TASP1: variants seen among roughly 807,000 people sequenced by gnomAD.
TASP1 encodes taspase 1.
Under a neutral mutation model 56.6 loss-of-function variants are expected in TASP1, and 16 were observed. That is an observed-to-expected ratio of 0.28 (90% CI 0.19 to 0.43). TASP1 has a LOEUF of 0.43. Ranked by LOEUF, TASP1 falls within the 20% of genes least tolerant of loss-of-function variation. The pLI, the probability that TASP1 is intolerant of heterozygous loss-of-function variation, is 1.00. For missense variants in TASP1, 393 were observed against 511.6 expected (o/e 0.77, Z 2.24); for synonymous variants, 179 against 184.2 (o/e 0.97, Z 0.23).
the TASP1 span, among the ~76,000 whole-genome samples, chr20:13,118,448 G>GAAAAAAAAAA: frequency 2.2e-4 from 24 of 108,718 alleles, 1 homozygote; most frequent in Non-Finnish European, 2.6e-4. Context: ...AGAGGTTTGT[G>GAAAAAAAAAA]GAAAAAAAAA....
At chr20:13,444,217 AC>A (rs2043318759) in intron 11 of TASP1, among the ~76,000 whole-genome samples, 1 of 152,260 alleles carries the variant, frequency 6.6e-6, no homozygotes, top group East Asian at 1.9e-4. Flanking sequence ...CTTTTGCAAA[AC>A]CGGACACACA....
At chr20:13,338,632 A>C in the TASP1 span, among the ~76,000 whole-genome samples, 3 of 152,206 alleles carry the variant, frequency 2.0e-5, no homozygotes, top group Non-Finnish European at 4.4e-5. Context: ...TTCTTTCAGT[A>C]GGGTTTCATG....
chr20:13,266,443 C>T, the TASP1 span, among the ~76,000 whole-genome samples: 1 of 152,238 alleles, frequency 6.6e-6, no homozygotes, highest in Middle Eastern at 3.4e-3. Context: ...AGCTGCATTT[C>T]TTCTGTTTTC....
the TASP1 span, among the ~76,000 whole-genome samples, chr20:13,364,813 A>T: frequency 6.6e-6 from 1 of 152,224 alleles, no homozygotes; most frequent in African/African-American, 2.4e-5. Context: ...TTTCTAAGTA[A>T]GTGTATTCCT....
At chr20:13,253,172 G>A in the TASP1 span, among the ~76,000 whole-genome samples, 1 of 152,184 alleles carries the variant, frequency 6.6e-6, no homozygotes, top group Admixed American at 6.5e-5. Flanking sequence ...AAGCAGGAAG[G>A]AACCAAGTCT....
rs113103844 is a variant in TASP1 at position 13,534,408 on chromosome 20, G to C, written c.676-267C>G. Among the ~76,000 whole-genome samples, 52 of 151,162 alleles carry C rather than the reference G, an allele frequency of 3.4e-4. 2 individuals are homozygous for C. The highest frequency in any genetic ancestry group is 1.2e-3 in the African/African-American group (51 of 41,236). ...ATAAGGCTATAGTGTCTTTTTAATG[G>C]AGGAAATGTCACAATTTAATATAAA... is the stretch of plus-strand genomic sequence containing the variant. On this transcript the variant is annotated intron_variant, in intron 8 of 13. Coordinates refer to ENST00000337743, the MANE Select transcript of TASP1 (RefSeq NM_017714.3).
Position 13,630,281 on chromosome 20 carries a change from G to T in TASP1, c.-74-129C>A. 5 of 496,520 alleles carry T rather than the reference G, an allele frequency of 1.0e-5. No individual in the cohort carries two copies. The South Asian group carries it at 1.2e-4, about 12-fold the overall frequency. The allele number at this position is 496,520 out of a possible 1,614,324, so 30.8% of individuals were successfully genotyped here. A position where few individuals can be genotyped will look rare whatever the true frequency, so the allele number is the denominator to read the frequency against. ...TTATTTAATTGAGCAATACAAAAAA[G>T]GTATCAAAGCTATTTATTAAAATTA... On this transcript the variant is annotated intron_variant, in intron 1 of 13. Coordinates refer to ENST00000337743, the MANE Select transcript of TASP1 (RefSeq NM_017714.3).
At chr20:13,583,362 T>C (rs1229320579) in intron 5 of TASP1, among the ~76,000 whole-genome samples, 3 of 152,224 alleles carry the variant, frequency 2.0e-5, no homozygotes, top group African/African-American at 7.2e-5. Context: ...ATACAGTGAA[T>C]GATAGCCACA....
chr20:13,123,795 C>T, the TASP1 span, among the ~76,000 whole-genome samples: 132 of 152,314 alleles, frequency 8.7e-4, no homozygotes, highest in Non-Finnish European at 1.7e-3. Context: ...ACCCTTGAAA[C>T]ACCTTGTTCC....
the TASP1 span, chr20:13,110,208 G>C: frequency 1.2e-6 from 2 of 1,613,438 alleles, no homozygotes; most frequent in African/African-American, 1.3e-5. Context: ...CTGGTGGAGG[G>C]TGTCTACAGG....
chr20:13,186,308 A>G, the TASP1 span, among the ~76,000 whole-genome samples: 2 of 152,240 alleles, frequency 1.3e-5, no homozygotes, highest in East Asian at 1.9e-4. Flanking sequence ...TCCCGGGGGG[A>G]AAAATGTTGC....
chr20:13,519,968 T>C lies in TASP1; in HGVS notation c.874+8465A>G, dbSNP rs908866619. ...TGTGCAAAAATCACAAGCATTCTTATACACCAATAACAGACAAACAGAGAG... is the reference window on the plus strand; with the variant it reads ...TGTGCAAAAATCACAAGCATTCTTACACACCAATAACAGACAAACAGAGAG... On this transcript the variant is annotated intron_variant, in intron 10 of 13. Coordinates refer to ENST00000337743, the MANE Select transcript of TASP1 (RefSeq NM_017714.3). Among the ~76,000 whole-genome samples, 75 of 152,272 alleles carry C rather than the reference T, an allele frequency of 4.9e-4. 1 individual carries two copies. Among genetic ancestry groups the C allele is most frequent in the Admixed American group, 1.2e-3 (18 of 15,290 alleles).
chr20:13,455,219 G>C (rs1041954171), intron 11 of TASP1, among the ~76,000 whole-genome samples: 1 of 152,118 alleles, frequency 6.6e-6, no homozygotes, highest in African/African-American at 2.4e-5. Context: ...AAGATAGCAA[G>C]GGTAACTGAA....
At chr20:13,605,976 C>A (rs753420691) in intron 4 of TASP1, among the ~76,000 whole-genome samples, 2 of 152,100 alleles carry the variant, frequency 1.3e-5, no homozygotes, top group Non-Finnish European at 2.9e-5. Flanking sequence ...TCTCTCTTAC[C>A]ACACTCCAGC....
chr20:13,231,760 G>A, the TASP1 span, among the ~76,000 whole-genome samples: 3 of 152,104 alleles, frequency 2.0e-5, no homozygotes, highest in Non-Finnish European at 4.4e-5. Context: ...ATAGTACTGC[G>A]AGGTTCATGG....
chr20:13,427,818 T>C (rs1324153272), intron 12 of TASP1, among the ~76,000 whole-genome samples: 1 of 152,088 alleles, frequency 6.6e-6, no homozygotes, highest in Non-Finnish European at 1.5e-5. Flanking sequence ...AAAAAAAGGA[T>C]AAAAGGGTAG....
rs748534918 is a variant in TASP1 at position 13,389,432 on chromosome 20, G to A, written c.*928C>T. 6.6e-5 allele frequency: 10 copies of A among 152,210 alleles called. No individual in the cohort carries two copies. Among genetic ancestry groups the A allele is most frequent in the Non-Finnish European group, 1.3e-4 (9 of 68,032 alleles). 9.4% of individuals were successfully genotyped at this position (152,210 alleles called of 1,614,324 possible). ...ATAATTTATTAGTCTGAGAAGAGGA[G>A]TCACATACTATACCCAGTAATACGC... On this transcript the variant is annotated 3_prime_UTR_variant, in exon 14 of 14. Transcript: ENST00000337743.
At chr20:13,141,960 A>G in the TASP1 span, among the ~76,000 whole-genome samples, 1 of 152,198 alleles carries the variant, frequency 6.6e-6, no homozygotes, top group Admixed American at 6.5e-5. Flanking sequence ...GCTTACCTAC[A>G]TGTGTGACAA....
intron 10 of TASP1, among the ~76,000 whole-genome samples, chr20:13,501,188 C>T (rs1158319510): frequency 6.6e-6 from 1 of 151,910 alleles, no homozygotes; most frequent in Non-Finnish European, 1.5e-5. Flanking sequence ...GAAGACTCAT[C>T]ATCAGGAAAC....
Sources: gnomAD v4.1 joint callset for allele counts (sites outside exome capture counted in the v4.1 genomes callset) on GRCh38, gnomAD v4.1.1 for gene constraint, MANE v1.5 for transcripts, NCBI Gene and HGNC (gene_info 2026-07-23, HGNC 2026-07-21) for gene names.